PTPRN2: variants seen among roughly 807,000 people sequenced by gnomAD.
PTPRN2 encodes the protein protein tyrosine phosphatase receptor type N2, also known as receptor-type tyrosine-protein phosphatase N2.
In PTPRN2, 74 loss-of-function variants were observed where a neutral mutation model predicts 118.8. The observed-to-expected ratio is 0.62, with a 90% CI of 0.52 to 0.76. The LOEUF (loss-of-function observed/expected upper bound fraction) is 0.76, where lower values mean the gene tolerates loss of function less well. Among genes scored for constraint, PTPRN2 ranks in the 30% least tolerant of loss-of-function variants. PTPRN2 has a pLI of 0.00. For synonymous variants in PTPRN2, 641 were observed against 608.0 expected (o/e 1.05, Z -0.80); for missense variants, 1,481 against 1,394.4 (o/e 1.06, Z -0.99).
intron 1 of PTPRN2, among the ~76,000 whole-genome samples, chr7:158,583,460 A>T (rs1486758277): frequency 6.6e-6 from 1 of 152,014 alleles, no homozygotes. Flanking sequence ...TGACAAAGTG[A>T]TTGCCCACCC....
chr7:158,043,170 A>G (rs1344454684), intron 11 of PTPRN2, among the ~76,000 whole-genome samples: 1 of 152,068 alleles, frequency 6.6e-6, no homozygotes, highest in East Asian at 1.9e-4. Flanking sequence ...ACATAGCAAG[A>G]CCCCATCTCA....
rs1797911479 is a variant in PTPRN2 at position 157,908,645 on chromosome 7, T to G, written c.1724-9908A>C. On this transcript the variant is annotated intron_variant, in intron 11 of 22. Coordinates refer to ENST00000389418, the MANE Select transcript of PTPRN2 (RefSeq NM_002847.5). ...ATGCATGACTCACGCAACCAGCTCA[T>G]GACATCAGCAACTGCAGGGATCTCA... Among the ~76,000 whole-genome samples, 3 of 152,190 alleles carry G rather than the reference T, an allele frequency of 2.0e-5. No individual in the cohort carries two copies. The South Asian group carries it at 6.2e-4, about 32-fold the overall frequency.
At chr7:158,225,855 G>T (rs1337679510) in intron 3 of PTPRN2, among the ~76,000 whole-genome samples, 1 of 151,774 alleles carries the variant, frequency 6.6e-6, no homozygotes, top group African/African-American at 2.4e-5. Context: ...GCACTGAGTG[G>T]TGCACTCAGG....
At chr7:158,195,228 TG>T (rs751898544) in intron 4 of PTPRN2, among the ~76,000 whole-genome samples, 3 of 152,258 alleles carry the variant, frequency 2.0e-5, no homozygotes, top group Non-Finnish European at 4.4e-5. Flanking sequence ...AATTCTGGGT[TG>T]ATGTTTGTTT....
intron 1 of PTPRN2, among the ~76,000 whole-genome samples, chr7:158,501,462 G>C (rs1822353641): frequency 1.3e-5 from 2 of 152,194 alleles, no homozygotes; most frequent in African/African-American, 2.4e-5. Context: ...CCTGCCTTCT[G>C]CTGGGAAGCC....
At chr7:158,506,768 C>T (rs74868278) in intron 1 of PTPRN2, among the ~76,000 whole-genome samples, 50 of 152,114 alleles carry the variant, frequency 3.3e-4, no homozygotes, top group African/African-American at 1.2e-3. Context: ...AGGCGGATGC[C>T]GGGGGCCTCC....
chr7:158,149,145 T>A (rs1363826300), intron 6 of PTPRN2, among the ~76,000 whole-genome samples: 2 of 151,096 alleles, frequency 1.3e-5, no homozygotes, highest in African/African-American at 2.4e-5. Context: ...ACGCCACGTG[T>A]CTTTCCCCCT....
At chr7:158,045,359 TC>T (rs1416511870) in intron 11 of PTPRN2, among the ~76,000 whole-genome samples, 3 of 152,218 alleles carry the variant, frequency 2.0e-5, no homozygotes, top group Non-Finnish European at 2.9e-5. Flanking sequence ...TAATCAGATT[TC>T]TAATTTTTCA....
intron 2 of PTPRN2, among the ~76,000 whole-genome samples, chr7:158,405,454 T>C (rs1459220685): frequency 6.6e-6 from 1 of 152,222 alleles, no homozygotes; most frequent in Non-Finnish European, 1.5e-5. Flanking sequence ...GAAATGTTTT[T>C]TTAGCATGAT....
intron 10 of PTPRN2, among the ~76,000 whole-genome samples, chr7:158,094,008 A>G (rs1379789903): frequency 6.6e-6 from 1 of 152,226 alleles, no homozygotes; most frequent in Non-Finnish European, 1.5e-5. Flanking sequence ...TTGCCATTAC[A>G]TGGGATTTGG....
chr7:158,002,761 G>A (rs143398497), intron 11 of PTPRN2, among the ~76,000 whole-genome samples: 1,826 of 152,304 alleles, frequency 0.012, 14 homozygotes, highest in Non-Finnish European at 0.018. Flanking sequence ...TGGACTTGCC[G>A]GGGAGGAACT....
intron 1 of PTPRN2, among the ~76,000 whole-genome samples, chr7:158,538,143 C>T (rs144639170): frequency 1.1e-3 from 165 of 152,370 alleles, no homozygotes; most frequent in Middle Eastern, 6.8e-3. Flanking sequence ...AAGAGCACAG[C>T]TCGTGCACCT....
chr7:157,574,513 TGAGA>T lies in PTPRN2; in HGVS notation c.2783+2096_2783+2099del, dbSNP rs60406378. 2,316 of 282,998 alleles carry T rather than the reference TGAGA, an allele frequency of 8.2e-3. 26 individuals are homozygous for T. Among genetic ancestry groups the T allele is most frequent in the African/African-American group, 0.038 (1,719 of 45,146 alleles). 17.5% of individuals were successfully genotyped at this position (282,998 alleles called of 1,614,324 possible). A position where few individuals can be genotyped will look rare whatever the true frequency, so the allele number is the denominator to read the frequency against. ...ACAGCAAGAAGGGAGAGAGTAATAATGAGAGAGAGAGAGAGAGAGAGAGTTTTTA... is the reference window on the plus strand; with the variant it reads ...ACAGCAAGAAGGGAGAGAGTAATAATGAGAGAGAGAGAGAGAGAGTTTTTA... On this transcript the variant is annotated intron_variant, in intron 19 of 22. Coordinates refer to ENST00000389418, the MANE Select transcript of PTPRN2 (RefSeq NM_002847.5).
chr7:157,799,476 G>T (rs964309672), intron 12 of PTPRN2, among the ~76,000 whole-genome samples: 4 of 152,064 alleles, frequency 2.6e-5, no homozygotes, highest in Non-Finnish European at 4.4e-5. Context: ...CCCCACCAGA[G>T]CAGACCCAGC....
At chr7:158,322,844 C>A (rs868259695) in intron 2 of PTPRN2, among the ~76,000 whole-genome samples, 14 of 152,356 alleles carry the variant, frequency 9.2e-5, no homozygotes, top group South Asian at 4.1e-4. Flanking sequence ...AAACAGATCT[C>A]CCTGGCAAGG....
chr7:157,667,249 G>A (rs6459800), intron 13 of PTPRN2, among the ~76,000 whole-genome samples: 8,364 of 118,010 alleles, frequency 0.071, 255 homozygotes, highest in East Asian at 0.23. Context: ...TGTGTGCAAT[G>A]AGTACACAGC....
intron 15 of PTPRN2, among the ~76,000 whole-genome samples, chr7:157,612,650 C>CGG (rs1802438596): frequency 6.6e-6 from 1 of 152,322 alleles, no homozygotes; most frequent in African/African-American, 2.4e-5. Context: ...CCCCACAGCA[C>CGG]GGGGCGCAGG....
Position 158,436,371 on chromosome 7 carries a change from T to G in PTPRN2, c.163+53364A>C, listed in dbSNP as rs538654221. 2.0e-5 allele frequency among the ~76,000 whole-genome samples: 3 copies of G among 152,134 alleles called. No homozygotes were observed. The South Asian group carries it at 6.2e-4, about 32-fold the overall frequency. On this transcript the variant is annotated intron_variant, in intron 2 of 22. Coordinates refer to ENST00000389418, the MANE Select transcript of PTPRN2 (RefSeq NM_002847.5). Reference sequence around the variant, plus strand: ...TCTTTTCGTAGGAGTCATCTGTTGATGGAGTCTCTCGAGTTCTGTCTGTCT... The same window carrying G: ...TCTTTTCGTAGGAGTCATCTGTTGAGGGAGTCTCTCGAGTTCTGTCTGTCT...
intron 11 of PTPRN2, among the ~76,000 whole-genome samples, chr7:157,949,415 C>A (rs1054534998): frequency 1.3e-5 from 2 of 152,198 alleles, no homozygotes; most frequent in African/African-American, 2.4e-5. Flanking sequence ...TATTTATTTG[C>A]CTCTCTAGAT....
Sources: allele counts gnomAD v4.1 joint callset (sites outside exome capture counted in the v4.1 genomes callset), GRCh38; gene constraint gnomAD v4.1.1; transcripts MANE v1.5; gene names NCBI Gene and HGNC (gene_info 2026-07-23, HGNC 2026-07-21).